SV2B: variants seen among roughly 807,000 people sequenced by gnomAD.
SV2B encodes synaptic vesicle glycoprotein 2B, also known as solute carrier family 22 member B2.
SV2B carries 41 observed loss-of-function variants against 73.9 expected under a neutral mutation model. The ratio of observed to expected loss-of-function variants is 0.56; its 90% CI spans 0.43 to 0.72. The LOEUF (loss-of-function observed/expected upper bound fraction) is 0.72, where lower values mean the gene tolerates loss of function less well. Ranked by LOEUF, SV2B falls within the 30% of genes least tolerant of loss-of-function variation. The probability of loss-of-function intolerance (pLI) is 0.00; values close to 1 mark genes in which losing one functional copy is unlikely to be tolerated. For missense variants in SV2B, 764 were observed against 857.8 expected (o/e 0.89, Z 1.37); for synonymous variants, 314 against 314.2 (o/e 1.00, Z 0.01).
chr15:91,125,781 C>CAAAAAAAAAAAA lies in SV2B; in HGVS notation c.-392+25426_-392+25437dup, dbSNP rs200016125. 1.5e-3 allele frequency among the ~76,000 whole-genome samples: 88 copies of CAAAAAAAAAAAA among 57,054 alleles called. 3 individuals are homozygous for CAAAAAAAAAAAA. Among genetic ancestry groups the CAAAAAAAAAAAA allele is most frequent in the African/African-American group, 5.2e-3 (81 of 15,638 alleles). 37.4% of individuals were successfully genotyped at this position (57,054 alleles called of 152,430 possible). On this transcript the variant is annotated intron_variant, in intron 1 of 12. Coordinates refer to ENST00000394232, the MANE Select transcript of SV2B (RefSeq NM_001323032.3). ...CAAAGTGAGACCCTGTCTCAAGGGG[C>CAAAAAAAAAAAA]AAAAAAAAAAAAAAAAAAATTCAGT...
In SV2B at chr15:91,245,778, G is replaced by T. The variant is rs2047197963; in HGVS notation, c.452-6041G>T. Among the ~76,000 whole-genome samples the T allele has an allele frequency of 6.6e-6, 1 of 152,040 alleles. No homozygotes were observed. The highest frequency in any genetic ancestry group is 2.4e-5 in the African/African-American group (1 of 41,398). The stretch of plus-strand genomic sequence containing the variant: ...TACAAAGGAAAAGCAATAGTATGCT[G>T]CCAAAAGACTATCAGGGACGACTGA... On this transcript the variant is annotated intron_variant, in intron 2 of 12. Transcript: ENST00000394232. This position sits in a 1 kb window ranked among gnomAD's most constrained non-coding sequence, Gnocchi z 4.2.
rs543766325 is a variant in SV2B, at chr15:91,130,773, C to T, written c.-392+30410C>T. The stretch of plus-strand genomic sequence containing the variant: ...GCACGGTTCAGTGAGTCCTTCAAGA[C>T]GTTCGGAGGTGAAAGCAAGGGGAGA... On this transcript the variant is annotated intron_variant, in intron 1 of 12. Coordinates refer to ENST00000394232, the MANE Select transcript of SV2B (RefSeq NM_001323032.3). This position sits in a 1 kb window ranked among gnomAD's most constrained non-coding sequence, Gnocchi z 5.6. Among the ~76,000 whole-genome samples the T allele has an allele frequency of 6.6e-5, 10 of 152,062 alleles. No individual in the cohort carries two copies. Among genetic ancestry groups the T allele is most frequent in the Non-Finnish European group, 1.5e-4 (10 of 68,016 alleles).
Position 91,139,347 on chromosome 15 carries a change from T to TAA in SV2B, c.-392+38992_-392+38993dup, listed in dbSNP as rs34370427. On this transcript the variant is annotated intron_variant, in intron 1 of 12. Coordinates refer to ENST00000394232, the MANE Select transcript of SV2B (RefSeq NM_001323032.3). This position sits in a 1 kb window ranked among gnomAD's most constrained non-coding sequence, Gnocchi z 5.2. ...CTTGCAAATTTCCACAATAAAATGT[T>TAA]AAAAAAAAAGAAGTAAGGGAAACTT... Among the ~76,000 whole-genome samples the TAA allele has an allele frequency of 1.3e-5, 2 of 150,722 alleles. No homozygotes were observed. Among genetic ancestry groups the TAA allele is most frequent in the African/African-American group, 4.9e-5 (2 of 40,966 alleles).
chr15:91,153,004 A>G (rs148396826), intron 1 of SV2B, among the ~76,000 whole-genome samples: 1 of 152,110 alleles, frequency 6.6e-6, no homozygotes, highest in African/African-American at 2.4e-5. Flanking sequence ...TCTGCCTCCT[A>G]GTTGGTGCCT....
rs376207610 is a variant in SV2B, at chr15:91,252,330, A to C, written c.633-39A>C. On this transcript the variant is annotated intron_variant, in intron 3 of 12. Transcript: ENST00000394232. The surrounding 1 kb of genome is among the most constrained non-coding windows in gnomAD (Gnocchi z 4.6). ...TTTCTGCTGTGACCATTTTTAGTGT[A>C]TGACTTGATTCTTTCTCTCTGGCAT... The C allele has an allele frequency of 2.5e-5, 39 of 1,575,004 alleles. No individual in the cohort carries two copies. Among genetic ancestry groups the C allele is most frequent in the Non-Finnish European group, 3.4e-5 (39 of 1,158,838 alleles).
chr15:91,158,092 A>G (rs894672798), intron 1 of SV2B, among the ~76,000 whole-genome samples: 12 of 152,124 alleles, frequency 7.9e-5, no homozygotes, highest in African/African-American at 2.7e-4. Context: ...TGGTTTGGAT[A>G]TGGTTCGTTG....
chr15:91,125,608 C>T (rs576338716), intron 1 of SV2B, among the ~76,000 whole-genome samples: 6 of 151,402 alleles, frequency 4.0e-5, no homozygotes, highest in Non-Finnish European at 8.8e-5. Flanking sequence ...CCTGTCACTA[C>T]CCAAAATACC....
intron 1 of SV2B, among the ~76,000 whole-genome samples, chr15:91,202,853 C>T (rs1270098259): frequency 6.6e-6 from 1 of 152,076 alleles, no homozygotes; most frequent in Admixed American, 6.6e-5. Flanking sequence ...TGGCTTCAGG[C>T]TGCTCTGGGA....
At chr15:91,266,742 C>T (rs1199633244) in intron 7 of SV2B, 50 bp downstream of exon 7, 1 of 1,442,670 alleles carries the variant, frequency 6.9e-7, no homozygotes, top group East Asian at 2.3e-5. Context: ...ATGGGAGTCT[C>T]TTACCTTAGT....
At chr15:91,275,358 A>T (rs1295625953) in intron 9 of SV2B, among the ~76,000 whole-genome samples, 2 of 152,162 alleles carry the variant, frequency 1.3e-5, no homozygotes, top group African/African-American at 2.4e-5. Context: ...TTCAAGTATT[A>T]TTCTATTACT....
chr15:91,144,887 A>G (rs1461990545), intron 1 of SV2B, among the ~76,000 whole-genome samples: 6 of 135,450 alleles, frequency 4.4e-5, no homozygotes, highest in Admixed American at 3.6e-4. Context: ...AGGTGTGATG[A>G]AGAGAACTGT....
Position 91,289,697 on chromosome 15 carries a change from G to C in SV2B, c.1868+17G>C, listed in dbSNP as rs1422919003. 1 of 1,608,014 alleles carries C rather than the reference G, an allele frequency of 6.2e-7. No homozygotes were observed. The highest frequency in any genetic ancestry group is 1.7e-5 in the Admixed American group (1 of 59,490). On this transcript the variant is annotated intron_variant, in intron 12 of 12. Transcript: ENST00000394232. The surrounding 1 kb of genome is among the most constrained non-coding windows in gnomAD (Gnocchi z 4.9). ...CAACCAGAGGTCAGTTCTTCCCCAG[G>C]CTTTCCTCAGGGACTTGTTTGGGCT...
chr15:91,268,813 A>C lies in SV2B; in HGVS notation c.1373+208A>C, dbSNP rs902900937. 3.3e-5 allele frequency among the ~76,000 whole-genome samples: 5 copies of C among 152,098 alleles called. No homozygotes were observed. Among genetic ancestry groups the C allele is most frequent in the African/African-American group, 1.2e-4 (5 of 41,410 alleles). On this transcript the variant is annotated intron_variant, in intron 9 of 12. Transcript: ENST00000394232. This position sits in a 1 kb window ranked among gnomAD's most constrained non-coding sequence, Gnocchi z 4.4. ...TGTTGTGCTGGCTCCCCGACACCCTAATCTCCTGGTGAGAGCTATTTCATG... is the reference window on the plus strand; with the variant it reads ...TGTTGTGCTGGCTCCCCGACACCCTCATCTCCTGGTGAGAGCTATTTCATG...
In SV2B at chr15:91,251,933, C is replaced by A; in HGVS notation, c.566C>A (p.Ala189Asp). The A allele has an allele frequency of 6.2e-7, 1 of 1,614,168 alleles. No homozygotes were observed. The highest frequency in any genetic ancestry group is 8.5e-7 in the Non-Finnish European group (1 of 1,180,028). ...TCTCTGGCCGTCAATGCCTCCTTCG[C>A]CTCCCTCTCTTCCTTCGTGCAGGGA... ...SMSLAVNASF[A>D]SLSSFVQGYG... The change falls in exon 3 of 13, where the codon GCC becomes GAC. Residue 189 changes from alanine to aspartate, a missense_variant. Ala to Asp is a moderately radical substitution (Grantham distance 126, BLOSUM62 -2). Transcript: ENST00000394232.
chr15:91,300,933 G>C lies in SV2B; in HGVS notation c.*8381G>C, dbSNP rs1461472151. On this transcript the variant is annotated 3_prime_UTR_variant, in exon 13 of 13. Transcript: ENST00000394232. ...AGGTATAGAAGGCATTTGTAATACT[G>C]TTGGTTCAAATGTGCTGACATGTAG... is the stretch of plus-strand genomic sequence containing the variant. The C allele has an allele frequency of 3.3e-5, 5 of 152,194 alleles. No homozygotes were observed. Among genetic ancestry groups the C allele is most frequent in the Non-Finnish European group, 1.5e-5 (1 of 68,044 alleles). The allele number at this position is 152,194 out of a possible 1,614,324, so 9.4% of individuals were successfully genotyped here.
chr15:91,103,280 C>T (rs2151713872), intron 1 of SV2B, among the ~76,000 whole-genome samples: 1 of 152,282 alleles, frequency 6.6e-6, no homozygotes, highest in South Asian at 2.1e-4. Context: ...TCAGATTTCT[C>T]CCATCCGGAT....
At position 91,115,577 on chromosome 15, in the gene SV2B, A is replaced by G. The variant is rs774795177; in HGVS notation, c.-392+15214A>G. 6.6e-5 allele frequency among the ~76,000 whole-genome samples: 10 copies of G among 151,116 alleles called. No individual in the cohort carries two copies. The highest frequency in any genetic ancestry group is 1.0e-4 in the Non-Finnish European group (7 of 67,834). ...TTTTTAGTAGAGACAGGGTCTCGCC[A>G]TGTTGCCCAGGCTGGTCTTGAACTC... On this transcript the variant is annotated intron_variant, in intron 1 of 12. Coordinates refer to ENST00000394232, the MANE Select transcript of SV2B (RefSeq NM_001323032.3). This position sits in a 1 kb window ranked among gnomAD's most constrained non-coding sequence, Gnocchi z 4.3.
intron 1 of SV2B, among the ~76,000 whole-genome samples, chr15:91,198,453 GTA>G (rs1407549893): frequency 3.9e-5 from 5 of 128,346 alleles, no homozygotes; most frequent in South Asian, 6.3e-4. Flanking sequence ...AGAAGCACGT[GTA>G]TGTGTGTGTG....
At chr15:91,272,082 G>C (rs1271403607) in intron 9 of SV2B, among the ~76,000 whole-genome samples, 1 of 152,156 alleles carries the variant, frequency 6.6e-6, no homozygotes, top group Non-Finnish European at 1.5e-5. Context: ...AAACAAAAGT[G>C]CCAAGGTTAG....
Sources: gnomAD v4.1 joint callset for allele counts (sites outside exome capture counted in the v4.1 genomes callset) on GRCh38, gnomAD v4.1.1 for gene constraint, Gnocchi (gnomAD v3.1) non-coding constraint, MANE v1.5 for transcripts, NCBI Gene and HGNC (gene_info 2026-07-23, HGNC 2026-07-21) for gene names.